The following NLRP1 variants were observed in gnomAD, a reference collection of about 807,000 sequenced individuals.
NLRP1 encodes NACHT, LRR and PYD domains-containing protein 1.
A neutral mutation model predicts 136.7 loss-of-function variants in NLRP1; 94 were observed. The ratio of observed to expected loss-of-function variants is 0.69; its 90% CI spans 0.58 to 0.82. NLRP1 has a LOEUF of 0.82. Ranked by LOEUF, NLRP1 falls within the 40% of genes least tolerant of loss-of-function variation. The pLI is 0.00. For missense variants in NLRP1, 1,575 were observed against 1,802.7 expected (o/e 0.87, Z 2.29); for synonymous variants, 690 against 725.1 (o/e 0.95, Z 0.78).
intron 6 of NLRP1, 109 bp from the exon 7 acceptor site, chr17:5,539,694 G>A: frequency 7.0e-7 from 1 of 1,420,886 alleles, no homozygotes; most frequent in South Asian, 1.5e-5. Flanking sequence ...TGAGGGTCTG[G>A]GATGACATGC....
At chr17:5,515,442 C>T in intron 16 of NLRP1, 31 bp downstream of exon 16, 2 of 1,588,922 alleles carry the variant, frequency 1.3e-6, no homozygotes, top group East Asian at 4.5e-5. Flanking sequence ...ACTGCCACCG[C>T]CTCCTGTGGT....
chr17:5,576,355 T>C (rs1052650257), intron 3 of NLRP1, among the ~76,000 whole-genome samples: 8 of 151,984 alleles, frequency 5.3e-5, no homozygotes, highest in Admixed American at 1.3e-4. Context: ...TTTGAAAAGA[T>C]CAACAAAATT....
chr17:5,552,577 A>C (rs149442860), intron 5 of NLRP1, among the ~76,000 whole-genome samples: 1 of 152,242 alleles, frequency 6.6e-6, no homozygotes, highest in Non-Finnish European at 1.5e-5. Flanking sequence ...CCACTATCCC[A>C]TGAGTTGCTT....
At chr17:5,518,756 C>T (rs1407677777) in intron 14 of NLRP1, among the ~76,000 whole-genome samples, 1 of 151,782 alleles carries the variant, frequency 6.6e-6, no homozygotes, top group Non-Finnish European at 1.5e-5. Flanking sequence ...TCTTGAGCTA[C>T]TGGCCTCAAG....
At chr17:5,539,268 A>G (rs12952208) in intron 7 of NLRP1, 147 bp downstream of exon 7, 20,832 of 633,714 alleles carry the variant, frequency 0.033, 501 homozygotes, top group African/African-American at 0.091. Context: ...CAGAGAATTC[A>G]GCGACTTGTC....
At chr17:5,553,872 T>TTTA (rs759369738) in intron 4 of NLRP1, among the ~76,000 whole-genome samples, 1 of 149,594 alleles carries the variant, frequency 6.7e-6, no homozygotes, top group Non-Finnish European at 1.5e-5. Context: ...TTTTTTTTTT[T>TTTA]AAATCTGCAC....
intron 15 of NLRP1, 128 bp downstream of exon 15, chr17:5,517,618 C>G (rs1435410247): frequency 9.5e-7 from 1 of 1,050,314 alleles, no homozygotes. Flanking sequence ...GAACTCCTGA[C>G]CTTGTGATCT....
intron 3 of NLRP1, among the ~76,000 whole-genome samples, chr17:5,570,258 C>G (rs1284198337): frequency 6.6e-6 from 1 of 151,914 alleles, no homozygotes. Flanking sequence ...TAACCAAAAT[C>G]AGAGCTGAAC....
In NLRP1 at chr17:5,521,717, G is replaced by C; in HGVS notation, c.3590C>G (p.Pro1197Arg). 2 of 1,613,294 alleles carry C rather than the reference G, an allele frequency of 1.2e-6. No homozygotes were observed. Among genetic ancestry groups the C allele is most frequent in the Non-Finnish European group, 1.7e-6 (2 of 1,179,988 alleles). ...FKEEGMLLEKPARVELHHIVL... is the reference protein window; with the variant it reads ...FKEEGMLLEKRARVELHHIVL... ...TATGTGATGCAGCTCCACCCTGGCTGGCTTCTCCAGGAGCATCCCCTCCTC... is the reference window on the plus strand; with the variant it reads ...TATGTGATGCAGCTCCACCCTGGCTCGCTTCTCCAGGAGCATCCCCTCCTC... The change falls in exon 13 of 17, where the codon CCA (proline) becomes CGA (arginine). Residue 1197 changes from proline (P) to arginine (R), a missense_variant. Pro to Arg is a moderately radical substitution (Grantham distance 103, BLOSUM62 -2). Coordinates refer to ENST00000572272, the MANE Select transcript of NLRP1 (RefSeq NM_033004.4).
intron 3 of NLRP1, among the ~76,000 whole-genome samples, chr17:5,563,136 A>G (rs1914951877): frequency 6.6e-6 from 1 of 152,210 alleles, no homozygotes; most frequent in Non-Finnish European, 1.5e-5. Context: ...AAGGAAGACA[A>G]CTTCAAAGAT....
In NLRP1 at chr17:5,515,076, G is replaced by C. The variant is rs776946991; in HGVS notation, c.4103-3C>G. ...GGCATCCAGAGGTGAAGGTACGGCT[G>C]GCAACGAACAAAGAAGGGCTCCAAC... On this transcript the variant is annotated splice_polypyrimidine_tract_variant and splice_region_variant and intron_variant, in intron 16 of 16. Coordinates refer to ENST00000572272, the MANE Select transcript of NLRP1 (RefSeq NM_033004.4). 1.2e-6 allele frequency: 2 copies of C among 1,612,900 alleles called. No individual in the cohort carries two copies. The highest frequency in any genetic ancestry group is 2.2e-5 in the South Asian group (2 of 91,048).
At position 5,539,357 on chromosome 17, in the gene NLRP1, T is replaced by C. The variant is rs199476212; in HGVS notation, c.2870+58A>G. On this transcript the variant is annotated intron_variant, in intron 7 of 16. Transcript: ENST00000572272. Reference sequence around the variant, plus strand: ...ATTTATCAGTCCTTTTTCCATCCCCTGTCCGATACCCCCCCAACCCTCTTC... The same window carrying C: ...ATTTATCAGTCCTTTTTCCATCCCCCGTCCGATACCCCCCCAACCCTCTTC... The C allele has an allele frequency of 4.0e-6, 6 of 1,507,418 alleles. No individual in the cohort carries two copies. In the East Asian group the frequency reaches 1.4e-4, roughly 35 times the overall value. 93.4% of individuals were successfully genotyped at this position (1,507,418 alleles called of 1,614,324 possible).
downstream of NLRP1, among the ~76,000 whole-genome samples, chr17:5,511,864 CTT>C (rs1353520807): frequency 1.1e-5 from 1 of 88,038 alleles, no homozygotes. Flanking sequence ...CTTCCTTTTT[CTT>C]TCTCTCTCTT....
chr17:5,533,151 G>C (rs1046285077), intron 10 of NLRP1, 153 bp downstream of exon 10: 2 of 1,450,352 alleles, frequency 1.4e-6, no homozygotes, highest in Non-Finnish European at 1.8e-6. Flanking sequence ...CTGCTGTCTG[G>C]GGAGCCCCAC....
chr17:5,553,855 C>CTT (rs71856538), intron 4 of NLRP1, among the ~76,000 whole-genome samples: 5,643 of 144,380 alleles, frequency 0.039, 143 homozygotes, highest in Middle Eastern at 0.088. Context: ...AGACATTTGT[C>CTT]TTTTTTTTTT....
intron 4 of NLRP1, among the ~76,000 whole-genome samples, chr17:5,556,365 G>A (rs1217168675): frequency 2.0e-5 from 3 of 151,384 alleles, no homozygotes; most frequent in South Asian, 2.1e-4. Flanking sequence ...GAGGTAAGAG[G>A]ATCCCTTAAA....
chr17:5,518,559 T>G (rs1222644442), intron 14 of NLRP1: 2 of 148,490 alleles, frequency 1.3e-5, no homozygotes, highest in Non-Finnish European at 3.0e-5. Context: ...TTTCTCTTTT[T>G]CTTTTTTGTT....
Position 5,582,755 on chromosome 17 carries a change from G to T in NLRP1, c.363C>A (p.Ile121=), listed in dbSNP as rs1364052229. The T allele has an allele frequency of 1.9e-6, 3 of 1,614,130 alleles. No individual in the cohort carries two copies. In the South Asian group the frequency reaches 3.3e-5, roughly 18 times the overall value. ...GGGTGCACCCCGCCGGCAATTCATG[G>T]ATCCAGGGCATTAGCACTGCGGTGG... ...PTSTAVLMPW[I]HELPAGCTQG... is the part of the protein sequence containing the mutation. Residue 121 remains isoleucine (I), a synonymous_variant, in exon 2 of 17, where the codon ATC becomes ATA. Transcript: ENST00000572272.
intron 12 of NLRP1, 110 bp downstream of exon 12, chr17:5,530,371 G>T: frequency 1.1e-6 from 1 of 895,952 alleles, no homozygotes. Flanking sequence ...ACCCCCCCTC[G>T]GCCCCTCTAA....
Sources: allele counts gnomAD v4.1 joint callset (sites outside exome capture counted in the v4.1 genomes callset), GRCh38; gene constraint gnomAD v4.1.1; transcripts MANE v1.5; gene names NCBI Gene and HGNC (gene_info 2026-07-23, HGNC 2026-07-21).